The following EIF4E2 variants were observed in gnomAD, a reference collection of about 807,000 sequenced individuals.
EIF4E2 encodes eukaryotic translation initiation factor 4E family member 2.
A neutral mutation model predicts 34.2 loss-of-function variants in EIF4E2; 13 were observed. The observed-to-expected ratio is 0.38, with a 90% CI of 0.25 to 0.60. EIF4E2 has a LOEUF of 0.60. EIF4E2 is among the 20% of genes least tolerant of loss of function. The pLI is 0.62. For missense variants in EIF4E2, 222 were observed against 315.1 expected, an observed-to-expected ratio of 0.70 and a Z score of 2.24; for synonymous variants, 100 against 106.6, an observed-to-expected ratio of 0.94 and a Z score of 0.38.
rs1237410951 is a variant in EIF4E2, at chr2:232,568,975, C to T, written c.696C>T (p.Leu232=). ...CAGGCAGGCTGGGCCCCCAAAGGCT[C>T]CTTTTTCAAAACCTCTGGAAGCCGC... ...KMPGRLGPQR[L]LFQNLWKPRL... The change falls in exon 7 of 7, where the codon CTC becomes CTT. Residue 232 remains leucine (L), a synonymous_variant. Transcript: ENST00000258416. 1 of 1,614,206 alleles carries T rather than the reference C, an allele frequency of 6.2e-7. No individual in the cohort carries two copies. Among genetic ancestry groups the T allele is most frequent in the Non-Finnish European group, 8.5e-7 (1 of 1,180,044 alleles).
At chr2:232,568,625 G>A in intron 6 of EIF4E2, 1 of 985,298 alleles carries the variant, frequency 1.0e-6, no homozygotes, top group Non-Finnish European at 1.2e-6. Flanking sequence ...GATAGGAGAG[G>A]GAAAGAGGTA....
chr2:232,580,807 C>G (rs76367583), intron 6 of EIF4E2: 2 of 1,140,424 alleles, frequency 1.8e-6, no homozygotes, highest in Admixed American at 4.3e-5. Context: ...ATGGAGACCC[C>G]GAGGGCTGAT....
chr2:232,560,144 AACCTTCCTCCAT>A (rs1170515577), intron 3 of EIF4E2, among the ~76,000 whole-genome samples: 1 of 152,196 alleles, frequency 6.6e-6, no homozygotes, highest in Non-Finnish European at 1.5e-5. Flanking sequence ...AAGCTCCCTG[AACCTTCCTCCAT>A]ACCTTCCCCC....
At chr2:232,556,836 C>A (rs1484373709) in intron 2 of EIF4E2, among the ~76,000 whole-genome samples, 1 of 152,156 alleles carries the variant, frequency 6.6e-6, no homozygotes, top group Non-Finnish European at 1.5e-5. Flanking sequence ...TGTTTCAAAT[C>A]CTACATACCC....
At chr2:232,570,241 G>T (rs1398146358), downstream of EIF4E2, among the ~76,000 whole-genome samples, 1 of 152,022 alleles carries the variant, frequency 6.6e-6, no homozygotes, top group Non-Finnish European at 1.5e-5. Flanking sequence ...AGCACTGTGG[G>T]CTCAGTATTC....
chr2:232,566,701 T>C lies in EIF4E2; in HGVS notation c.376-128T>C, dbSNP rs1369263395. ...CCTAGTCCTACCATCAGTTTTTCTA[T>C]AGAGTTGAATAATTGGAAAGTGATA... On this transcript the variant is annotated intron_variant, in intron 4 of 6. Transcript: ENST00000258416. The surrounding 1 kb of genome is among the most constrained non-coding windows in gnomAD (Gnocchi z 4.9). 1 of 1,064,384 alleles carries C rather than the reference T, an allele frequency of 9.4e-7. No individual in the cohort carries two copies. Among genetic ancestry groups the C allele is most frequent in the East Asian group, 2.6e-5 (1 of 38,474 alleles). 65.9% of individuals were successfully genotyped at this position (1,064,384 alleles called of 1,614,324 possible).
intron 3 of EIF4E2, among the ~76,000 whole-genome samples, chr2:232,560,502 G>A (rs1446942814): frequency 2.6e-5 from 4 of 152,154 alleles, no homozygotes; most frequent in East Asian, 1.9e-4. Flanking sequence ...TTGGCTGGGC[G>A]TGGTGGCTCA....
chr2:232,562,960 G>A (rs993508258), intron 3 of EIF4E2, among the ~76,000 whole-genome samples: 1 of 152,136 alleles, frequency 6.6e-6, no homozygotes, highest in Non-Finnish European at 1.5e-5. Flanking sequence ...GATGCATCAC[G>A]TGTGCTTGTG....
chr2:232,566,341 C>T lies in EIF4E2; in HGVS notation c.376-488C>T, dbSNP rs1054698628. 6.6e-6 allele frequency among the ~76,000 whole-genome samples: 1 copy of T among 152,122 alleles called. No individual in the cohort carries two copies. The highest frequency in any genetic ancestry group is 2.4e-5 in the African/African-American group (1 of 41,446). On this transcript the variant is annotated intron_variant, in intron 4 of 6. Transcript: ENST00000258416. This position sits in a 1 kb window ranked among gnomAD's most constrained non-coding sequence, Gnocchi z 4.9. ...AGCTGGGACTACAGGCGCCCACCAC[C>T]ATGCCCGGCTAATTTTGTTTTTGTA...
rs1288877022 is a variant in EIF4E2, at chr2:232,567,175, A to G, written c.626A>G (p.Asn209Ser). 6.2e-6 allele frequency: 10 copies of G among 1,614,204 alleles called. No individual in the cohort carries two copies. Among genetic ancestry groups the G allele is most frequent in the Non-Finnish European group, 8.5e-6 (10 of 1,180,036 alleles). Reference sequence around the variant, plus strand: ...CGGCGAGTGCTTAACCTACCTCCCAACACCATTATGGAATACAAAACTCAC... The same window carrying G: ...CGGCGAGTGCTTAACCTACCTCCCAGCACCATTATGGAATACAAAACTCAC... The part of the protein sequence containing the change: ...TLRRVLNLPP[N>S]TIMEYKTHTD... Residue 209 changes from asparagine (N) to serine (S), a missense_variant, in exon 6 of 7, where the codon AAC becomes AGC. Transcript: ENST00000258416.
chr2:232,555,201 G>A (rs1445779648), intron 1 of EIF4E2, among the ~76,000 whole-genome samples: 1 of 152,186 alleles, frequency 6.6e-6, no homozygotes, highest in East Asian at 1.9e-4. Flanking sequence ...TGTCAGCATA[G>A]GGTAGTATCT....
chr2:232,559,219 T>TAA (rs1553582294), intron 3 of EIF4E2, among the ~76,000 whole-genome samples: 1 of 66,942 alleles, frequency 1.5e-5, no homozygotes. Flanking sequence ...ACTTAAAGTA[T>TAA]AAAAAAAAAA....
At chr2:232,567,027 C>T in intron 5 of EIF4E2, 46 bp downstream of exon 5, 1 of 1,597,986 alleles carries the variant, frequency 6.3e-7, no homozygotes. Flanking sequence ...TGCCTTTGCT[C>T]TCCTCGCTGC....
At chr2:232,551,633 C>T (rs1328237157) in intron 1 of EIF4E2, among the ~76,000 whole-genome samples, 2 of 152,156 alleles carry the variant, frequency 1.3e-5, no homozygotes, top group Non-Finnish European at 2.9e-5. Flanking sequence ...TGGCTAGGAC[C>T]CTGCTGCCAC....
At chr2:232,568,160 A>G in intron 6 of EIF4E2, 1 of 985,368 alleles carries the variant, frequency 1.0e-6, no homozygotes, top group Non-Finnish European at 1.2e-6. Context: ...CATCATCATC[A>G]TCATTAGTAA....
chr2:232,568,850 A>C, intron 6 of EIF4E2, 95 bp from the exon 7 acceptor site: 2 of 1,570,674 alleles, frequency 1.3e-6, no homozygotes, highest in South Asian at 2.4e-5. Flanking sequence ...TGTAGAGACC[A>C]GAAGACCAAC....
At chr2:232,557,299 T>C (rs561553264) in intron 2 of EIF4E2, among the ~76,000 whole-genome samples, 1 of 145,992 alleles carries the variant, frequency 6.8e-6, no homozygotes, top group African/African-American at 2.6e-5. Context: ...TTCTACAATA[T>C]TGAGTAACCC....
chr2:232,576,498 C>T (rs1439772891), intron 6 of EIF4E2, among the ~76,000 whole-genome samples: 2 of 141,256 alleles, frequency 1.4e-5, no homozygotes, highest in Non-Finnish European at 3.2e-5. Flanking sequence ...TTGTGGCCCC[C>T]GTGTCTTTTT....
intron 6 of EIF4E2, chr2:232,568,028 T>A: frequency 3.1e-6 from 3 of 982,676 alleles, no homozygotes. Context: ...CTTCAGTTTC[T>A]CCATCTGTAA....
Sources: allele counts gnomAD v4.1 joint callset (sites outside exome capture counted in the v4.1 genomes callset), GRCh38; gene constraint gnomAD v4.1.1; non-coding constraint Gnocchi (gnomAD v3.1); transcripts MANE v1.5; gene names NCBI Gene and HGNC (gene_info 2026-07-23, HGNC 2026-07-21).